SELENOF: variants seen among roughly 807,000 people sequenced by gnomAD.
SELENOF encodes the protein 15 kDa selenoprotein.
Under a neutral mutation model 20.5 loss-of-function variants are expected in SELENOF, and 16 were observed. The ratio of observed to expected loss-of-function variants is 0.78; its 90% CI spans 0.53 to 1.19. The LOEUF is 1.19. Among genes scored for constraint, SELENOF ranks in the 50% most tolerant of loss-of-function variants. The pLI is 0.00. For synonymous variants in SELENOF, 78 were observed against 74.5 expected, an observed-to-expected ratio of 1.05 and a Z score of -0.24; for missense variants, 215 against 194.2, an observed-to-expected ratio of 1.11 and a Z score of -0.64.
intron 3 of SELENOF, among the ~76,000 whole-genome samples, chr1:86,870,851 C>T (rs974142286): frequency 7.9e-5 from 12 of 152,152 alleles, no homozygotes; most frequent in African/African-American, 2.7e-4. Flanking sequence ...AATCTCCTGA[C>T]CTCGTGATCT....
chr1:86,906,624 T>G (rs1659833593), intron 1 of SELENOF, among the ~76,000 whole-genome samples: 1 of 152,138 alleles, frequency 6.6e-6, no homozygotes, highest in Admixed American at 6.6e-5. Context: ...AAGAAGTCTA[T>G]ACAAGAGAGA....
At chr1:86,878,985 A>G (rs1261482099) in intron 3 of SELENOF, among the ~76,000 whole-genome samples, 1 of 152,190 alleles carries the variant, frequency 6.6e-6, no homozygotes, top group African/African-American at 2.4e-5. Flanking sequence ...AATTGTTTTC[A>G]AAAGGAAAAG....
intron 2 of SELENOF, among the ~76,000 whole-genome samples, chr1:86,895,233 G>C (rs1289310578): frequency 1.3e-5 from 2 of 152,074 alleles, no homozygotes; most frequent in Non-Finnish European, 2.9e-5. Context: ...TTTAACACTG[G>C]CAAATCTGAT....
intron 2 of SELENOF, among the ~76,000 whole-genome samples, chr1:86,889,785 C>G (rs1659330679): frequency 6.6e-6 from 1 of 152,150 alleles, no homozygotes; most frequent in South Asian, 2.1e-4. Context: ...GAAGCATCCC[C>G]ACTTACCCCT....
rs1477513814 is a variant in SELENOF, at chr1:86,903,536, A to AAC, written c.85-90_85-89dup. The stretch of plus-strand genomic sequence containing the variant: ...AGAGAACACGGGGTTGTCAAAAACT[A>AAC]ACACATTGAAGACAAGTTACTGAAA... On this transcript the variant is annotated intron_variant, in intron 1 of 4. Transcript: ENST00000331835. 12 of 879,886 alleles carry AAC rather than the reference A, an allele frequency of 1.4e-5. 1 individual carries two copies. The highest frequency in any genetic ancestry group is 1.6e-5 in the Non-Finnish European group (10 of 607,616). The allele number at this position is 879,886 out of a possible 1,614,324, so 54.5% of individuals were successfully genotyped here.
chr1:86,904,283 T>C (rs1051220047), intron 1 of SELENOF, among the ~76,000 whole-genome samples: 1 of 152,168 alleles, frequency 6.6e-6, no homozygotes. Flanking sequence ...TTCGTGACCC[T>C]GGGCAAACTA....
chr1:86,875,084 C>A (rs1446254320), intron 3 of SELENOF, among the ~76,000 whole-genome samples: 1 of 151,784 alleles, frequency 6.6e-6, no homozygotes, highest in African/African-American at 2.4e-5. Flanking sequence ...AATACACACA[C>A]AAAAAAGTTA....
rs577183404 is a variant in SELENOF at position 86,886,988 on chromosome 1, C to G, written c.253-6263G>C. On this transcript the variant is annotated intron_variant, in intron 2 of 4. Coordinates refer to ENST00000331835, the MANE Select transcript of SELENOF (RefSeq NM_004261.5). ...AATCAACTTTATTCCTTTCATACAGCAGAAAAATACATCACACAGAAACTA... is the reference window on the plus strand; with the variant it reads ...AATCAACTTTATTCCTTTCATACAGGAGAAAAATACATCACACAGAAACTA... 3.2e-4 allele frequency among the ~76,000 whole-genome samples: 48 copies of G among 152,108 alleles called. 1 individual carries two copies. Among genetic ancestry groups the G allele is most frequent in the Non-Finnish European group, 6.0e-4 (41 of 67,976 alleles).
intron 1 of SELENOF, among the ~76,000 whole-genome samples, chr1:86,913,536 G>A (rs1401156132): frequency 6.6e-6 from 1 of 152,206 alleles, no homozygotes; most frequent in Non-Finnish European, 1.5e-5. Context: ...AGCCGTATAT[G>A]AATAGCAGAG....
chr1:86,911,540 G>A (rs1184176525), intron 1 of SELENOF, among the ~76,000 whole-genome samples: 1 of 152,208 alleles, frequency 6.6e-6, no homozygotes, highest in Non-Finnish European at 1.5e-5. Flanking sequence ...AGCCACTGAA[G>A]AGTTTTAATC....
At chr1:86,902,200 A>G (rs1659720120) in intron 2 of SELENOF, among the ~76,000 whole-genome samples, 1 of 152,236 alleles carries the variant, frequency 6.6e-6, no homozygotes, top group African/African-American at 2.4e-5. Context: ...AAGAAAAAGA[A>G]TAACTTATAT....
chr1:86,891,703 A>T (rs1024030093), intron 2 of SELENOF, among the ~76,000 whole-genome samples: 1 of 152,166 alleles, frequency 6.6e-6, no homozygotes, highest in African/African-American at 2.4e-5. Flanking sequence ...TAAACTTAAA[A>T]TTCTGTTATA....
At chr1:86,881,454 C>G (rs1229442078) in intron 2 of SELENOF, among the ~76,000 whole-genome samples, 1 of 152,110 alleles carries the variant, frequency 6.6e-6, no homozygotes, top group Non-Finnish European at 1.5e-5. Context: ...CCTGACTATT[C>G]TTTTTATAGG....
chr1:86,898,124 T>C (rs944555253), intron 2 of SELENOF, among the ~76,000 whole-genome samples: 22 of 152,240 alleles, frequency 1.4e-4, no homozygotes, highest in Admixed American at 9.8e-4. Context: ...AAATTAGTTA[T>C]GATTTTTACA....
chr1:86,901,729 T>A (rs1180674455), intron 2 of SELENOF, among the ~76,000 whole-genome samples: 1 of 152,162 alleles, frequency 6.6e-6, no homozygotes, highest in Admixed American at 6.5e-5. Flanking sequence ...ATTTTAGAGG[T>A]TTGTGGTGCA....
chr1:86,864,955 T>C lies in SELENOF; in HGVS notation c.367-1350A>G, dbSNP rs1658554968. On this transcript the variant is annotated intron_variant, in intron 4 of 4. Coordinates refer to ENST00000331835, the MANE Select transcript of SELENOF (RefSeq NM_004261.5). ...CCAGCCGGTCAGGTTACTTCTTAAGTTAAGGATTTTTTTTTCTTTTTTGCT... is the reference window on the plus strand; with the variant it reads ...CCAGCCGGTCAGGTTACTTCTTAAGCTAAGGATTTTTTTTTCTTTTTTGCT... 4.7e-5 allele frequency among the ~76,000 whole-genome samples: 7 copies of C among 148,566 alleles called. No homozygotes were observed. The South Asian group carries it at 1.5e-3, about 32-fold the overall frequency.
intron 1 of SELENOF, among the ~76,000 whole-genome samples, chr1:86,904,259 C>T (rs1189351565): frequency 6.6e-6 from 1 of 152,064 alleles, no homozygotes; most frequent in Non-Finnish European, 1.5e-5. Flanking sequence ...GTAATAGTGC[C>T]ACCAGTTACA....
intron 2 of SELENOF, among the ~76,000 whole-genome samples, chr1:86,882,247 CAAAAAAAAAAAAAA>C (rs61037512): frequency 0.035 from 2,177 of 61,966 alleles, 98 homozygotes; most frequent in African/African-American, 0.098. Flanking sequence ...GACTCTGTCT[CAAAAAAAAAAAAAA>C]AAAAAAAAAA....
chr1:86,874,686 A>G (rs1658878958), intron 3 of SELENOF, among the ~76,000 whole-genome samples: 1 of 152,212 alleles, frequency 6.6e-6, no homozygotes, highest in South Asian at 2.1e-4. Context: ...TTCTGAGGTT[A>G]AAGAAAAATG....
Sources: allele counts gnomAD v4.1 joint callset (sites outside exome capture counted in the v4.1 genomes callset), GRCh38; gene constraint gnomAD v4.1.1; transcripts MANE v1.5; gene names NCBI Gene and HGNC (gene_info 2026-07-23, HGNC 2026-07-21).